Variants in DYNLT2B observed in about 807,000 individuals in gnomAD.
DYNLT2B encodes dynein light chain Tctex-type 2B, also known as dynein light chain Tctex-type protein 2B.
DYNLT2B carries 14 observed loss-of-function variants against 19.5 expected under a neutral mutation model. The observed-to-expected ratio is 0.72, with a 90% confidence interval of 0.47 to 1.12. The LOEUF is 1.12. Among genes scored for constraint, DYNLT2B ranks in the 50% most tolerant of loss-of-function variants. The pLI, the probability that DYNLT2B is intolerant of heterozygous loss-of-function variation, is 0.00. For synonymous variants in DYNLT2B, 70 were observed against 59.7 expected, an observed-to-expected ratio of 1.17 and a Z score of -0.79; for missense variants, 133 against 174.7, an observed-to-expected ratio of 0.76 and a Z score of 1.35.
intron 3 of DYNLT2B, 178 bp from the exon 4 acceptor site, chr3:196,296,247 G>A (rs982137278): frequency 1.1e-5 from 6 of 552,620 alleles, no homozygotes; most frequent in Non-Finnish European, 1.9e-5. Flanking sequence ...GGGTAAACCG[G>A]AGAAACTAGA....
intron 4 of DYNLT2B, among the ~76,000 whole-genome samples, chr3:196,294,640 T>C (rs1323444394): frequency 6.6e-6 from 1 of 152,234 alleles, no homozygotes; most frequent in Non-Finnish European, 1.5e-5. Flanking sequence ...TGATACAATG[T>C]GAGAAAAATC....
chr3:196,302,906 G>A (rs943975764), intron 3 of DYNLT2B, among the ~76,000 whole-genome samples: 12 of 151,784 alleles, frequency 7.9e-5, no homozygotes, highest in African/African-American at 2.4e-4. Flanking sequence ...AAACAAAGAC[G>A]GTAACAGCCC....
intron 4 of DYNLT2B, among the ~76,000 whole-genome samples, 194 bp from the exon 5 acceptor site, chr3:196,291,568 T>C (rs1013145177): frequency 6.6e-6 from 1 of 152,032 alleles, no homozygotes; most frequent in Non-Finnish European, 1.5e-5. Flanking sequence ...AGCCTCGACC[T>C]CCTACACTCA....
chr3:196,309,100 A>G (rs1015513923), intron 2 of DYNLT2B, among the ~76,000 whole-genome samples: 2 of 152,234 alleles, frequency 1.3e-5, no homozygotes, highest in African/African-American at 4.8e-5. Context: ...TGCAATAGCA[A>G]AAACAAAAGA....
At chr3:196,300,487 TG>T (rs1251014065) in intron 3 of DYNLT2B, among the ~76,000 whole-genome samples, 6 of 152,074 alleles carry the variant, frequency 3.9e-5, no homozygotes, top group Non-Finnish European at 8.8e-5. Flanking sequence ...CCCAGCAGTT[TG>T]GGAGGCCAAA....
At chr3:196,306,524 C>T (rs1263416749) in intron 3 of DYNLT2B, among the ~76,000 whole-genome samples, 1 of 151,860 alleles carries the variant, frequency 6.6e-6, no homozygotes, top group African/African-American at 2.4e-5. Context: ...TAAGGACTGA[C>T]AATATTTTAG....
intron 1 of DYNLT2B, among the ~76,000 whole-genome samples, 187 bp downstream of exon 1, chr3:196,317,852 GC>G (rs763533142): frequency 5.3e-5 from 8 of 151,702 alleles, no homozygotes; most frequent in East Asian, 3.9e-4. Context: ...GTCCCCTGCG[GC>G]CCCTGCAGCG....
chr3:196,303,378 G>A (rs976430931), intron 3 of DYNLT2B, among the ~76,000 whole-genome samples: 8 of 152,154 alleles, frequency 5.3e-5, no homozygotes, highest in East Asian at 1.9e-4. Context: ...AATCGGCTCT[G>A]TCTAGGCAGC....
rs758076354 is a variant in DYNLT2B at position 196,317,470 on chromosome 3, AGTGT to A, written c.113+566_113+569del. On this transcript the variant is annotated intron_variant, in intron 1 of 4. Coordinates refer to ENST00000325318, the MANE Select transcript of DYNLT2B (RefSeq NM_152773.5). ...GGCCCGTGAGCCTGATATTTTTTTC[AGTGT>A]GTGTGTGTGTGTGTGTGTGTGTGTG... Among the ~76,000 whole-genome samples the A allele has an allele frequency of 8.0e-3, 95 of 11,880 alleles. 15 individuals are homozygous for A. In the East Asian group the frequency reaches 0.17, roughly 21 times the overall value. 7.8% of individuals were successfully genotyped at this position (11,880 alleles called of 152,430 possible).
intron 1 of DYNLT2B, among the ~76,000 whole-genome samples, chr3:196,317,717 G>A (rs1370189935): frequency 6.6e-6 from 1 of 152,162 alleles, no homozygotes; most frequent in Non-Finnish European, 1.5e-5. Flanking sequence ...GACGCGAGTG[G>A]CTTCCTGCCT....
intron 2 of DYNLT2B, among the ~76,000 whole-genome samples, chr3:196,308,851 G>T (rs1035360440): frequency 6.6e-6 from 1 of 152,024 alleles, no homozygotes; most frequent in Admixed American, 6.6e-5. Context: ...ATAATACTCA[G>T]CCCTTAAATC....
chr3:196,300,946 C>T (rs1726339311), intron 3 of DYNLT2B, among the ~76,000 whole-genome samples: 1 of 150,886 alleles, frequency 6.6e-6, no homozygotes, highest in African/African-American at 2.4e-5. Context: ...ACGGTCCCAG[C>T]TACTTGGGAG....
intron 3 of DYNLT2B, among the ~76,000 whole-genome samples, chr3:196,305,170 C>G (rs1726456353): frequency 6.6e-6 from 1 of 152,108 alleles, no homozygotes; most frequent in South Asian, 2.1e-4. Context: ...AGGTGTGAGC[C>G]ACCACGCCCG....
At chr3:196,309,401 G>A (rs111746493) in intron 2 of DYNLT2B, among the ~76,000 whole-genome samples, 2,315 of 152,136 alleles carry the variant, frequency 0.015, 64 homozygotes, top group African/African-American at 0.053. Flanking sequence ...GAGTAGCTGG[G>A]ATTACAGGCA....
intron 4 of DYNLT2B, among the ~76,000 whole-genome samples, chr3:196,291,719 A>G (rs747395617): frequency 6.6e-6 from 1 of 152,190 alleles, no homozygotes; most frequent in Non-Finnish European, 1.5e-5. Context: ...GGATCAAGCA[A>G]TCCACCCATG....
Position 196,316,246 on chromosome 3 carries a change from T to C in DYNLT2B, c.114-15A>G, listed in dbSNP as rs750979206. On this transcript the variant is annotated splice_polypyrimidine_tract_variant and intron_variant, in intron 1 of 4. Coordinates refer to ENST00000325318, the MANE Select transcript of DYNLT2B (RefSeq NM_152773.5). ...AGGGCCTGAACCTGAATGGAACAAT[T>C]TGTGAACATCCAGTCGGTGACTCCA... The C allele has an allele frequency of 6.3e-7, 1 of 1,597,824 alleles. No individual in the cohort carries two copies. The highest frequency in any genetic ancestry group is 8.5e-7 in the Non-Finnish European group (1 of 1,171,722).
intron 2 of DYNLT2B, among the ~76,000 whole-genome samples, chr3:196,315,732 C>T (rs1012562728): frequency 2.0e-5 from 3 of 151,968 alleles, no homozygotes; most frequent in Non-Finnish European, 2.9e-5. Flanking sequence ...ATTAGCCAGG[C>T]GTGATGGTGC....
chr3:196,304,183 A>T (rs1726426109), intron 3 of DYNLT2B, among the ~76,000 whole-genome samples: 1 of 151,836 alleles, frequency 6.6e-6, no homozygotes, highest in Non-Finnish European at 1.5e-5. Flanking sequence ...CCCAGGCTGG[A>T]GTGCAGTGGC....
chr3:196,299,280 T>A (rs1184462441), intron 3 of DYNLT2B, among the ~76,000 whole-genome samples: 1 of 151,996 alleles, frequency 6.6e-6, no homozygotes, highest in Non-Finnish European at 1.5e-5. Flanking sequence ...AGACGGGGTT[T>A]CACCATGTTG....
Sources: allele counts gnomAD v4.1 joint callset (sites outside exome capture counted in the v4.1 genomes callset), GRCh38; gene constraint gnomAD v4.1.1; transcripts MANE v1.5; gene names NCBI Gene and HGNC (gene_info 2026-07-23, HGNC 2026-07-21).